The following ADGRL3 variants were observed in gnomAD, a reference collection of about 807,000 sequenced individuals.
The protein encoded by ADGRL3 is calcium-independent alpha-latrotoxin receptor 3.
A neutral mutation model predicts 153.5 loss-of-function variants in ADGRL3; 62 were observed. The ratio of observed to expected loss-of-function variants is 0.40; its 90% CI spans 0.33 to 0.50. The LOEUF (loss-of-function observed/expected upper bound fraction) is 0.50. ADGRL3 is among the 20% of genes least tolerant of loss of function. ADGRL3 has a pLI of 0.47. For synonymous variants in ADGRL3, 710 were observed against 672.5 expected (o/e 1.06, Z -0.86); for missense variants, 1,641 against 1,859.4 (o/e 0.88, Z 2.16).
At chr4:61,838,626 C>T (rs536864585) in intron 9 of ADGRL3, among the ~76,000 whole-genome samples, 17 of 152,160 alleles carry the variant, frequency 1.1e-4, no homozygotes, top group Non-Finnish European at 2.2e-4. Context: ...ACATCTTTGA[C>T]TAGAAAAATT....
intron 6 of ADGRL3, among the ~76,000 whole-genome samples, chr4:61,688,686 G>T (rs1345014488): frequency 6.6e-6 from 1 of 152,154 alleles, no homozygotes; most frequent in East Asian, 1.9e-4. Flanking sequence ...TTTATCCTAG[G>T]ATTTGGGGAG....
At chr4:61,903,418 T>C (rs912159858) in intron 11 of ADGRL3, among the ~76,000 whole-genome samples, 4 of 152,044 alleles carry the variant, frequency 2.6e-5, no homozygotes, top group African/African-American at 9.7e-5. Context: ...CCCAAGCCCA[T>C]GAGGGCAAGA....
rs191125791 is a variant in ADGRL3 at position 61,820,849 on chromosome 4, C to T, written c.1480+6960C>T. ...CCCACCAACTCTCCTTTCTCCCAACCGTTATTTTGCCTCCTGACTACTCAC... is the reference window on the plus strand; with the variant it reads ...CCCACCAACTCTCCTTTCTCCCAACTGTTATTTTGCCTCCTGACTACTCAC... On this transcript the variant is annotated intron_variant, in intron 9 of 26. Transcript: ENST00000683033. Among the ~76,000 whole-genome samples, 9 of 152,212 alleles carry T rather than the reference C, an allele frequency of 5.9e-5. No individual in the cohort carries two copies. In the East Asian group the frequency reaches 1.2e-3, roughly 20 times the overall value.
intron 4 of ADGRL3, among the ~76,000 whole-genome samples, chr4:61,536,119 G>C (rs904394300): frequency 3.3e-5 from 5 of 151,956 alleles, no homozygotes; most frequent in African/African-American, 1.2e-4. Context: ...TTTGATTGCT[G>C]CCTTAATGTT....
At chr4:61,564,677 GC>G (rs1328927545) in intron 4 of ADGRL3, among the ~76,000 whole-genome samples, 2 of 152,132 alleles carry the variant, frequency 1.3e-5, no homozygotes, top group Non-Finnish European at 2.9e-5. Context: ...CTAGCTTTTG[GC>G]CTTTCTCAGC....
chr4:61,244,247 A>C (rs1000955338), intron 1 of ADGRL3, among the ~76,000 whole-genome samples: 3 of 152,034 alleles, frequency 2.0e-5, no homozygotes, highest in Non-Finnish European at 2.9e-5. Context: ...AGAGGGGATT[A>C]GACTTGTATT....
At chr4:61,947,962 C>T in intron 16 of ADGRL3, 138 bp from the exon 17 acceptor site, 1 of 637,104 alleles carries the variant, frequency 1.6e-6, no homozygotes, top group Non-Finnish European at 2.7e-6. Flanking sequence ...TGTTGAGGCC[C>T]ACTTATGAAA....
chr4:61,543,854 T>A (rs115183565), intron 4 of ADGRL3, among the ~76,000 whole-genome samples: 69 of 152,356 alleles, frequency 4.5e-4, no homozygotes, highest in African/African-American at 1.6e-3. Flanking sequence ...GTGATTTTAA[T>A]TTCAACATAT....
intron 12 of ADGRL3, among the ~76,000 whole-genome samples, chr4:61,910,188 A>G (rs979277941): frequency 1.3e-5 from 2 of 151,880 alleles, no homozygotes; most frequent in Non-Finnish European, 1.5e-5. Context: ...ATGGATCTCT[A>G]TCATCAATTA....
chr4:61,510,978 AC>A (rs1402693308), intron 3 of ADGRL3, among the ~76,000 whole-genome samples: 3 of 151,566 alleles, frequency 2.0e-5, no homozygotes, highest in African/African-American at 7.3e-5. Flanking sequence ...AGATCTTTTC[AC>A]CCCCCTGATT....
chr4:61,219,788 C>A (rs1471659349), intron 1 of ADGRL3, among the ~76,000 whole-genome samples: 3 of 152,112 alleles, frequency 2.0e-5, no homozygotes, highest in Non-Finnish European at 4.4e-5. Context: ...TCGATTATTT[C>A]TCTTCCTGTT....
At chr4:61,578,442 C>G (rs770128848) in intron 4 of ADGRL3, among the ~76,000 whole-genome samples, 1 of 152,110 alleles carries the variant, frequency 6.6e-6, no homozygotes, top group Non-Finnish European at 1.5e-5. Flanking sequence ...AATACCCACA[C>G]TCTCTTTCCT....
chr4:62,013,745 G>T (rs536019173), intron 21 of ADGRL3, among the ~76,000 whole-genome samples: 1 of 151,436 alleles, frequency 6.6e-6, no homozygotes, highest in Non-Finnish European at 1.5e-5. Flanking sequence ...AAAATTAGCT[G>T]GGCATGGTGG....
intron 1 of ADGRL3, among the ~76,000 whole-genome samples, chr4:61,382,488 T>G (rs2151911404): frequency 6.6e-6 from 1 of 151,908 alleles, no homozygotes; most frequent in African/African-American, 2.4e-5. Flanking sequence ...ATTATTTGTT[T>G]AATAAAATTA....
chr4:61,548,236 T>C (rs969778320), intron 4 of ADGRL3, among the ~76,000 whole-genome samples: 2 of 152,134 alleles, frequency 1.3e-5, no homozygotes, highest in African/African-American at 4.8e-5. Flanking sequence ...GGTTGTTGGT[T>C]TACTCTGTTG....
In ADGRL3 at chr4:61,718,529, C is replaced by CA. The variant is rs774468409; in HGVS notation, c.584-12087dup. ...TGTTCTTTAAAGTTGAATTTTTTTA[C>CA]AAAAAAGATCACCTTATGTGGAAGA... is the stretch of plus-strand genomic sequence containing the variant. On this transcript the variant is annotated intron_variant, in intron 6 of 26. Transcript: ENST00000683033. 7.9e-5 allele frequency among the ~76,000 whole-genome samples: 12 copies of CA among 151,998 alleles called. No individual in the cohort carries two copies. The East Asian group carries it at 9.7e-4, about 12-fold the overall frequency.
intron 8 of ADGRL3, among the ~76,000 whole-genome samples, chr4:61,779,866 G>T (rs771321169): frequency 6.6e-6 from 1 of 151,958 alleles, no homozygotes; most frequent in Non-Finnish European, 1.5e-5. Context: ...ATGCAAGGAG[G>T]CTATATAAAT....
At chr4:61,563,780 C>T (rs913574888) in intron 4 of ADGRL3, among the ~76,000 whole-genome samples, 4 of 152,150 alleles carry the variant, frequency 2.6e-5, no homozygotes, top group South Asian at 2.1e-4. Flanking sequence ...GAGGTCGAGG[C>T]GGGCAGATCA....
chr4:61,577,067 T>G (rs2098889731), intron 4 of ADGRL3, among the ~76,000 whole-genome samples: 1 of 151,902 alleles, frequency 6.6e-6, no homozygotes, highest in Non-Finnish European at 1.5e-5. Flanking sequence ...AGAAAAGCCT[T>G]AGTATTACTT....
Sources: gnomAD v4.1 joint callset for allele counts (sites outside exome capture counted in the v4.1 genomes callset) on GRCh38, gnomAD v4.1.1 for gene constraint, MANE v1.5 for transcripts, NCBI Gene and HGNC (gene_info 2026-07-23, HGNC 2026-07-21) for gene names.